Variants in MEIG1 observed in about 807,000 individuals in gnomAD.
MEIG1 encodes the protein meiosis expressed gene 1 protein homolog.
In MEIG1, 12 loss-of-function variants were observed where a neutral mutation model predicts 11.3. The observed-to-expected ratio is 1.07, with a 90% CI of 0.68 to 1.73. The LOEUF (loss-of-function observed/expected upper bound fraction) is 1.73, where lower values mean the gene tolerates loss of function less well. MEIG1 is among the 40% of genes most tolerant of loss of function. The pLI is 0.00. For synonymous variants in MEIG1, 41 were observed against 33.2 expected, an observed-to-expected ratio of 1.24 and a Z score of -0.81; for missense variants, 119 against 104.9, an observed-to-expected ratio of 1.13 and a Z score of -0.59.
chr10:14,973,734 C>T (rs1273181284), downstream of MEIG1, among the ~76,000 whole-genome samples: 1 of 142,012 alleles, frequency 7.0e-6, no homozygotes, highest in Admixed American at 7.5e-5. Context: ...CCCGCCACTG[C>T]ACTCCAGCCT....
At position 14,972,823 on chromosome 10, in the gene MEIG1, G is replaced by A. The variant is rs1468553031; in HGVS notation, c.*182G>A. 26 of 537,198 alleles carry A rather than the reference G, an allele frequency of 4.8e-5. No homozygotes were observed. The East Asian group carries it at 8.5e-4, about 17-fold the overall frequency. The allele number at this position is 537,198 out of a possible 1,614,324, so 33.3% of individuals were successfully genotyped here. ...CCTTGTCCTGTTCTAAGAACTGGCTGCAGATGCATTAAAGTTGTACTTTCT... is the reference window on the plus strand; with the variant it reads ...CCTTGTCCTGTTCTAAGAACTGGCTACAGATGCATTAAAGTTGTACTTTCT... On this transcript the variant is annotated 3_prime_UTR_variant, in exon 3 of 3. Coordinates refer to ENST00000407572, the MANE Select transcript of MEIG1 (RefSeq NM_001080836.3).
chr10:14,961,638 A>ATTTTT lies in MEIG1; in HGVS notation c.-30+2098_-30+2102dup, dbSNP rs34536061. On this transcript the variant is annotated intron_variant, in intron 1 of 2. Transcript: ENST00000407572. Reference sequence around the variant, plus strand: ...AGGCAGCCGCCACCGCATCCGGCTAATTTTTTTTTTTTTTTTTTTTTAGTA... The same window carrying ATTTTT: ...AGGCAGCCGCCACCGCATCCGGCTAATTTTTTTTTTTTTTTTTTTTTTTTTTAGTA... 2.0e-4 allele frequency among the ~76,000 whole-genome samples: 15 copies of ATTTTT among 76,614 alleles called. 1 individual carries two copies. Among genetic ancestry groups the ATTTTT allele is most frequent in the East Asian group, 3.4e-4 (1 of 2,904 alleles). The allele number at this position is 76,614 out of a possible 152,430, so 50.3% of individuals were successfully genotyped here. A position where few individuals can be genotyped will look rare whatever the true frequency, so the allele number is the denominator to read the frequency against.
intron 2 of MEIG1, among the ~76,000 whole-genome samples, chr10:14,968,067 GTTGT>G (rs1161415666): frequency 2.0e-5 from 3 of 152,240 alleles, no homozygotes; most frequent in Admixed American, 6.5e-5. Context: ...TATTAACTCA[GTTGT>G]TTATTTTTAT....
Position 14,977,888 on chromosome 10 carries a change from T to C in MEIG1, n.66+5268T>C, listed in dbSNP as rs539118621. ...CACCGTGAGTTTACACCCTGTGATA[T>C]CATTCGTAATATCCTAGAAAGATGT... On this transcript the variant is annotated intron_variant and non_coding_transcript_variant, in intron 1 of 2. Transcript: ENST00000467536. Among the ~76,000 whole-genome samples the C allele has an allele frequency of 2.2e-4, 33 of 152,052 alleles. 1 individual carries two copies. The South Asian group carries it at 6.4e-3, about 30-fold the overall frequency.
In MEIG1 at chr10:14,972,853, C is replaced by G; in HGVS notation, c.*212C>G. 1 of 409,178 alleles carries G rather than the reference C, an allele frequency of 2.4e-6. No homozygotes were observed. The highest frequency in any genetic ancestry group is 5.0e-5 in the East Asian group (1 of 19,958). The allele number at this position is 409,178 out of a possible 1,614,324, so 25.3% of individuals were successfully genotyped here. On this transcript the variant is annotated 3_prime_UTR_variant, in exon 3 of 3. Transcript: ENST00000407572. ...TGCATTAAAGTTGTACTTTCTTGGT[C>G]CTGCTCTTTTTGTCCATTTTATTTT...
chr10:14,956,238 G>A (rs898982462), upstream of MEIG1, among the ~76,000 whole-genome samples: 6 of 152,158 alleles, frequency 3.9e-5, no homozygotes, highest in Non-Finnish European at 7.3e-5. Context: ...CACCTTCTAG[G>A]TGATTCTGAT....
At chr10:14,984,225 G>A (rs1048621923) in intron 1 of MEIG1, among the ~76,000 whole-genome samples, 5 of 143,620 alleles carry the variant, frequency 3.5e-5, no homozygotes, top group Non-Finnish European at 6.0e-5. Context: ...CCACCCCCCT[G>A]CGATGTGGAT....
At chr10:14,958,728 C>G (rs1842976045), upstream of MEIG1, among the ~76,000 whole-genome samples, 1 of 152,100 alleles carries the variant, frequency 6.6e-6, no homozygotes, top group Non-Finnish European at 1.5e-5. Context: ...AACCCCGTCT[C>G]TACTAAAAAT....
downstream of MEIG1, among the ~76,000 whole-genome samples, chr10:14,976,288 A>G (rs7893376): frequency 0.62 from 93,940 of 151,590 alleles, 29,553 homozygotes; most frequent in Admixed American, 0.73. Context: ...TATTAATTAC[A>G]TATTATTCAT....
intron 1 of MEIG1, among the ~76,000 whole-genome samples, chr10:14,983,602 A>G (rs1263852687): frequency 6.6e-6 from 1 of 151,984 alleles, no homozygotes; most frequent in Non-Finnish European, 1.5e-5. Context: ...ATTACTCCCA[A>G]TATCACAGAA....
downstream of MEIG1, among the ~76,000 whole-genome samples, chr10:14,976,926 G>A (rs534129546): frequency 6.6e-6 from 1 of 151,830 alleles, no homozygotes; most frequent in Admixed American, 6.6e-5. Flanking sequence ...GTACTGTCCT[G>A]AAGAGATGTT....
upstream of MEIG1, among the ~76,000 whole-genome samples, chr10:14,955,641 T>C (rs1374259775): frequency 2.6e-5 from 4 of 152,134 alleles, no homozygotes; most frequent in African/African-American, 9.7e-5. Flanking sequence ...GAGGTTGCAG[T>C]GAGCCTAGAT....
At chr10:14,956,457 C>A (rs181318086), upstream of MEIG1, among the ~76,000 whole-genome samples, 13 of 152,164 alleles carry the variant, frequency 8.5e-5, no homozygotes, top group African/African-American at 2.9e-4. Flanking sequence ...AGTCAGGGGC[C>A]TGTAATCCCA....
At chr10:14,965,675 TGAGAGAGAGAGA>T (rs749211535) in intron 1 of MEIG1, among the ~76,000 whole-genome samples, 9 of 101,236 alleles carry the variant, frequency 8.9e-5, no homozygotes, top group East Asian at 2.9e-4. Flanking sequence ...ATTCCCTTTT[TGAGAGAGAGAGA>T]GAGAGAGAGA....
At chr10:14,965,685 A>T (rs1843073188) in intron 1 of MEIG1, among the ~76,000 whole-genome samples, 1 of 61,746 alleles carries the variant, frequency 1.6e-5, no homozygotes, top group East Asian at 3.2e-4. Context: ...TGAGAGAGAG[A>T]GAGAGAGAGA....
At chr10:14,962,366 A>G (rs1843024340) in intron 1 of MEIG1, among the ~76,000 whole-genome samples, 1 of 152,216 alleles carries the variant, frequency 6.6e-6, no homozygotes, top group African/African-American at 2.4e-5. Flanking sequence ...TAGAGTTCCT[A>G]CTATGGTGAA....
intron 1 of MEIG1, among the ~76,000 whole-genome samples, chr10:14,985,177 T>C (rs555658679): frequency 6.6e-6 from 1 of 152,122 alleles, no homozygotes; most frequent in South Asian, 2.1e-4. Context: ...TCTAGAGATA[T>C]GTTACTCATA....
At position 14,972,683 on chromosome 10, in the gene MEIG1, T is replaced by C. The variant is rs1257024817; in HGVS notation, c.*42T>C. 1.3e-6 allele frequency: 2 copies of C among 1,505,556 alleles called. No homozygotes were observed. Among genetic ancestry groups the C allele is most frequent in the Middle Eastern group, 1.8e-4 (1 of 5,678 alleles). 93.3% of individuals were successfully genotyped at this position (1,505,556 alleles called of 1,614,324 possible). On this transcript the variant is annotated 3_prime_UTR_variant, in exon 3 of 3. Transcript: ENST00000407572. ...TACTTGTCAATTATATTTTAAGTATTCATCATTTCCTTCTACATCATGTGT... is the reference window on the plus strand; with the variant it reads ...TACTTGTCAATTATATTTTAAGTATCCATCATTTCCTTCTACATCATGTGT...
chr10:14,975,146 C>G (rs1310425312), downstream of MEIG1, among the ~76,000 whole-genome samples: 1 of 152,022 alleles, frequency 6.6e-6, no homozygotes, highest in Non-Finnish European at 1.5e-5. Flanking sequence ...CTCATATTCA[C>G]GGAAAAAGAG....
Sources: allele counts gnomAD v4.1 joint callset (sites outside exome capture counted in the v4.1 genomes callset), GRCh38; gene constraint gnomAD v4.1.1; transcripts MANE v1.5; gene names NCBI Gene and HGNC (gene_info 2026-07-23, HGNC 2026-07-21).